CEP112: variants seen among roughly 807,000 people sequenced by gnomAD.
CEP112 encodes the protein centrosomal protein 112.
A neutral mutation model predicts 153.0 loss-of-function variants in CEP112; 127 were observed. The ratio of observed to expected loss-of-function variants is 0.83; its 90% confidence interval spans 0.72 to 0.96. The LOEUF is 0.96. Ranked by LOEUF, CEP112 falls within the 40% of genes least tolerant of loss-of-function variation. The pLI, the probability that CEP112 is intolerant of heterozygous loss-of-function variation, is 0.00. For synonymous variants in CEP112, 358 were observed against 374.4 expected, an observed-to-expected ratio of 0.96 and a Z score of 0.51; for missense variants, 1,089 against 1,101.2, an observed-to-expected ratio of 0.99 and a Z score of 0.16.
At chr17:65,888,823 C>T (rs2059372386) in intron 20 of CEP112, among the ~76,000 whole-genome samples, 1 of 152,116 alleles carries the variant, frequency 6.6e-6, no homozygotes, top group Non-Finnish European at 1.5e-5. Context: ...TTTAGAGGAG[C>T]TTCCATGCAG....
intron 20 of CEP112, among the ~76,000 whole-genome samples, chr17:65,890,479 C>T (rs976570372): frequency 6.6e-6 from 1 of 152,144 alleles, no homozygotes; most frequent in Admixed American, 6.6e-5. Context: ...GACCTGATGC[C>T]CCCACATCCC....
chr17:66,099,374 G>C (rs2068470068), intron 6 of CEP112, among the ~76,000 whole-genome samples: 2 of 151,838 alleles, frequency 1.3e-5, no homozygotes, highest in South Asian at 4.2e-4. Flanking sequence ...CTTAGTGGCA[G>C]GTGACTATAA....
chr17:65,729,193 T>C (rs1388529002), intron 23 of CEP112, among the ~76,000 whole-genome samples: 6 of 152,114 alleles, frequency 3.9e-5, no homozygotes, highest in African/African-American at 1.2e-4. Flanking sequence ...TTGTTAAAAA[T>C]AAGACAAAAA....
intron 12 of CEP112, among the ~76,000 whole-genome samples, chr17:66,037,438 T>A (rs1286248376): frequency 6.6e-6 from 1 of 152,118 alleles, no homozygotes; most frequent in East Asian, 1.9e-4. Context: ...GTCACTGCGG[T>A]ATTATGACAT....
At chr17:65,668,883 T>C (rs1248053227) in intron 24 of CEP112, among the ~76,000 whole-genome samples, 2 of 152,198 alleles carry the variant, frequency 1.3e-5, no homozygotes, top group African/African-American at 4.8e-5. Flanking sequence ...CATTGGCCTC[T>C]CCTTTCTCTC....
intron 21 of CEP112, among the ~76,000 whole-genome samples, chr17:65,763,517 T>TC (rs530638140): frequency 5.9e-5 from 9 of 152,052 alleles, no homozygotes; most frequent in Non-Finnish European, 1.2e-4. Flanking sequence ...TCTTTTTTTT[T>TC]CTCTTTGTTT....
At position 66,093,798 on chromosome 17, in the gene CEP112, T is replaced by C. The variant is rs565730354; in HGVS notation, c.768+2453A>G. 3.3e-5 allele frequency among the ~76,000 whole-genome samples: 5 copies of C among 152,248 alleles called. No individual in the cohort carries two copies. In the East Asian group the frequency reaches 7.7e-4, roughly 24 times the overall value. ...CATGCAATCCCTATCAAAATTCCAATGGCATTTTTCACAGATATAAAGAAA... is the reference window on the plus strand; with the variant it reads ...CATGCAATCCCTATCAAAATTCCAACGGCATTTTTCACAGATATAAAGAAA... On this transcript the variant is annotated intron_variant, in intron 8 of 26. Coordinates refer to ENST00000535342, the MANE Select transcript of CEP112 (RefSeq NM_001199165.4).
At chr17:66,148,448 A>G (rs1336059165) in intron 4 of CEP112, among the ~76,000 whole-genome samples, 2 of 152,216 alleles carry the variant, frequency 1.3e-5, no homozygotes, top group Non-Finnish European at 2.9e-5. Flanking sequence ...TATCTTGGGT[A>G]GTATTAACCG....
At chr17:65,931,722 G>A (rs983009639) in intron 18 of CEP112, among the ~76,000 whole-genome samples, 5 of 152,210 alleles carry the variant, frequency 3.3e-5, no homozygotes, top group Non-Finnish European at 7.3e-5. Context: ...CCCAGCCTCA[G>A]AGCTTGGCAT....
In CEP112 at chr17:66,053,851, T is replaced by G; in HGVS notation, c.1103A>C (p.Gln368Pro). 1 of 1,613,382 alleles carries G rather than the reference T, an allele frequency of 6.2e-7. No homozygotes were observed. Among genetic ancestry groups the G allele is most frequent in the Non-Finnish European group, 8.5e-7 (1 of 1,179,540 alleles). ...KLHNAVAEME[Q>P]EKFDLQKQHT... is the part of the protein sequence containing the mutation. ...TTGCTTTTGAAGATCAAACTTTTCC[T>G]GTTCCATTTCTGCTACAGCATTGTG... The change falls in exon 12 of 27, where the codon CAG becomes CCG. Residue 368 changes from glutamine (Q) to proline (P), a missense_variant. Gln to Pro is a moderately conservative substitution (Grantham distance 76). Transcript: ENST00000535342.
At chr17:65,695,139 T>C (rs1423020836) in intron 23 of CEP112, among the ~76,000 whole-genome samples, 2 of 152,316 alleles carry the variant, frequency 1.3e-5, no homozygotes, top group African/African-American at 4.8e-5. Flanking sequence ...GAATAAAGAA[T>C]GACACTTTCC....
chr17:65,763,167 T>C (rs1326274594), intron 21 of CEP112, among the ~76,000 whole-genome samples: 1 of 152,126 alleles, frequency 6.6e-6, no homozygotes. Context: ...AGAAAACTGA[T>C]GTAATTCTCA....
rs113634031 is a variant in CEP112 at position 65,646,513 on chromosome 17, C to A, written c.2698-5448G>T. 2.6e-5 allele frequency among the ~76,000 whole-genome samples: 4 copies of A among 152,168 alleles called. No homozygotes were observed. The East Asian group carries it at 7.7e-4, about 29-fold the overall frequency. ...ATTTATGAGGTTAATAAAATTATCA[C>A]GAGCAAACATTTACTGAGGACTTTC... is the stretch of plus-strand genomic sequence containing the variant. On this transcript the variant is annotated intron_variant, in intron 24 of 26. Transcript: ENST00000535342.
At chr17:65,865,764 G>A (rs2058461674) in intron 20 of CEP112, among the ~76,000 whole-genome samples, 1 of 152,254 alleles carries the variant, frequency 6.6e-6, no homozygotes, top group Non-Finnish European at 1.5e-5. Context: ...AAGGTGTGCA[G>A]TGTGCAGAAC....
intron 24 of CEP112, among the ~76,000 whole-genome samples, chr17:65,669,670 A>C (rs938848662): frequency 6.6e-6 from 1 of 152,168 alleles, no homozygotes; most frequent in African/African-American, 2.4e-5. Flanking sequence ...TTGGGGGGCC[A>C]AGGCGGGTGG....
intron 17 of CEP112, among the ~76,000 whole-genome samples, chr17:65,965,861 G>T (rs2144830619): frequency 6.6e-6 from 1 of 152,226 alleles, no homozygotes; most frequent in Admixed American, 6.5e-5. Context: ...CAAATAAAGA[G>T]GTGATAATCA....
At position 65,902,174 on chromosome 17, in the gene CEP112, T is replaced by C. The variant is rs1248572371; in HGVS notation, c.2141A>G (p.Glu714Gly). 5.0e-6 allele frequency: 8 copies of C among 1,613,458 alleles called. No individual in the cohort carries two copies. The highest frequency in any genetic ancestry group is 5.9e-6 in the Non-Finnish European group (7 of 1,179,800). The change falls in exon 20 of 27, where the codon GAG (glutamate) becomes GGG (glycine). Residue 714 changes from glutamate to glycine, a missense_variant. Glu to Gly is a moderately conservative substitution (Grantham distance 98). Transcript: ENST00000535342. The stretch of plus-strand genomic sequence containing the variant: ...TACCTGTGCATCTCGTTTCTTGAAC[T>C]CCTGAATTTGATTTTCGTGCTCCAT... Reference protein sequence around the residue: ...ANMEHENQIQEFKKRDAQVIA... With the variant: ...ANMEHENQIQGFKKRDAQVIA...
intron 4 of CEP112, among the ~76,000 whole-genome samples, chr17:66,133,167 A>G (rs2070277569): frequency 6.6e-6 from 1 of 152,198 alleles, no homozygotes; most frequent in Non-Finnish European, 1.5e-5. Flanking sequence ...GAAGTTACAT[A>G]AATGCCACAG....
chr17:65,837,288 T>A (rs562102656), intron 21 of CEP112, among the ~76,000 whole-genome samples: 1 of 151,676 alleles, frequency 6.6e-6, no homozygotes, highest in Non-Finnish European at 1.5e-5. Flanking sequence ...GAGGAGCCCC[T>A]CTGCCCGGCC....
Sources: allele counts gnomAD v4.1 joint callset (sites outside exome capture counted in the v4.1 genomes callset), GRCh38; gene constraint gnomAD v4.1.1; transcripts MANE v1.5; gene names NCBI Gene and HGNC (gene_info 2026-07-23, HGNC 2026-07-21).